The following GALNT1 variants were observed in gnomAD, a reference collection of about 807,000 sequenced individuals.
GALNT1 encodes polypeptide N-acetylgalactosaminyltransferase 1, also known as GalNAc transferase 1.
A neutral mutation model predicts 65.7 loss-of-function variants in GALNT1; 17 were observed. The observed-to-expected ratio is 0.26, with a 90% CI of 0.18 to 0.39. The LOEUF is 0.39. Ranked by LOEUF, GALNT1 falls within the 10% of genes least tolerant of loss-of-function variation. GALNT1 has a pLI of 1.00. For synonymous variants in GALNT1, 210 were observed against 219.7 expected (o/e 0.96, Z 0.39); for missense variants, 460 against 672.8 (o/e 0.68, Z 3.50).
intron 9 of GALNT1, 198 bp from the exon 10 acceptor site, chr18:35,702,697 AAC>A (rs369400026): frequency 5.0e-4 from 188 of 373,734 alleles, no homozygotes; most frequent in East Asian, 4.7e-3. Context: ...TTCCCCCATA[AAC>A]ACAGAAAATT....
At chr18:35,629,586 G>T (rs1021789544) in intron 1 of GALNT1, among the ~76,000 whole-genome samples, 1 of 151,978 alleles carries the variant, frequency 6.6e-6, no homozygotes, top group Non-Finnish European at 1.5e-5. Flanking sequence ...TGGAAAGGAA[G>T]AACCGGTACC....
intron 1 of GALNT1, among the ~76,000 whole-genome samples, chr18:35,625,561 A>G (rs555167596): frequency 1.3e-5 from 2 of 152,334 alleles, no homozygotes; most frequent in Admixed American, 6.5e-5. Context: ...AGGGATAGAG[A>G]AAAAGACTTC....
chr18:35,641,437 C>T (rs1293726624), intron 1 of GALNT1, among the ~76,000 whole-genome samples: 1 of 152,146 alleles, frequency 6.6e-6, no homozygotes, highest in Non-Finnish European at 1.5e-5. Flanking sequence ...GAGGGAGACC[C>T]TGTCTCCAAA....
intron 11 of GALNT1, among the ~76,000 whole-genome samples, chr18:35,707,757 A>G (rs1336661628): frequency 6.6e-6 from 1 of 152,174 alleles, no homozygotes; most frequent in Non-Finnish European, 1.5e-5. Context: ...AATAGTGACC[A>G]TGGGCCTGAT....
intron 3 of GALNT1, among the ~76,000 whole-genome samples, chr18:35,674,831 A>G (rs1254986718): frequency 6.6e-6 from 1 of 151,854 alleles, no homozygotes; most frequent in African/African-American, 2.4e-5. Flanking sequence ...AAAATACAAA[A>G]AATTAGTCGG....
chr18:35,669,574 A>G (rs1377554020), intron 3 of GALNT1, among the ~76,000 whole-genome samples: 1 of 152,256 alleles, frequency 6.6e-6, no homozygotes, highest in African/African-American at 2.4e-5. Context: ...AAAACAGGCG[A>G]TAAGTTATGT....
At position 35,639,563 on chromosome 18, in the gene GALNT1, A is replaced by T. The variant is rs142982342; in HGVS notation, c.-103-14997A>T. Among the ~76,000 whole-genome samples the T allele has an allele frequency of 3.9e-3, 595 of 152,322 alleles. 9 individuals are homozygous for T. The highest frequency in any genetic ancestry group is 0.014 in the African/African-American group (570 of 41,570). On this transcript the variant is annotated intron_variant, in intron 1 of 11. Coordinates refer to ENST00000269195, the MANE Select transcript of GALNT1 (RefSeq NM_020474.4). The stretch of plus-strand genomic sequence containing the variant: ...TGCAGTATCTCTGAGGTATGCCTGT[A>T]GCGAAACTTCATTTTTTTAAAGAAC...
chr18:35,592,159 A>G (rs941756953), intron 1 of GALNT1, among the ~76,000 whole-genome samples: 12 of 152,198 alleles, frequency 7.9e-5, no homozygotes, highest in Non-Finnish European at 7.3e-5. Context: ...GGATACTTAC[A>G]GTTACGGGCC....
intron 9 of GALNT1, among the ~76,000 whole-genome samples, chr18:35,697,009 AATGGGTGCATTCACAATT>A (rs1419909180): frequency 1.3e-5 from 2 of 152,244 alleles, no homozygotes; most frequent in African/African-American, 4.8e-5. Flanking sequence ...GTTTTCCAAG[AATGGGTGCATTCACAATT>A]ATTTTCAATT....
intron 4 of GALNT1, among the ~76,000 whole-genome samples, chr18:35,680,538 G>C (rs879335129): frequency 1.3e-5 from 2 of 152,176 alleles, no homozygotes; most frequent in Non-Finnish European, 1.5e-5. Flanking sequence ...TAATGAATGG[G>C]TGAAAGAATA....
intron 1 of GALNT1, among the ~76,000 whole-genome samples, chr18:35,642,338 CAG>C (rs1281588032): frequency 6.6e-6 from 1 of 152,158 alleles, no homozygotes; most frequent in Non-Finnish European, 1.5e-5. Flanking sequence ...ATCTCAGAAA[CAG>C]TGTTAGAAAA....
chr18:35,592,664 G>A (rs998228848), intron 1 of GALNT1, among the ~76,000 whole-genome samples: 1 of 152,138 alleles, frequency 6.6e-6, no homozygotes, highest in African/African-American at 2.4e-5. Context: ...GTGGAGAATG[G>A]ATTTGGGTGA....
At chr18:35,587,706 A>G (rs1358365972) in intron 1 of GALNT1, among the ~76,000 whole-genome samples, 2 of 152,240 alleles carry the variant, frequency 1.3e-5, no homozygotes, top group African/African-American at 2.4e-5. Flanking sequence ...TGGTCACAGT[A>G]TAACACTTTT....
chr18:35,683,297 G>C (rs190969288), intron 4 of GALNT1, 94 bp from the exon 5 acceptor site: 2 of 918,762 alleles, frequency 2.2e-6, no homozygotes, highest in Admixed American at 4.5e-5. Context: ...GTTCAGTAAG[G>C]GTATGTTGAA....
chr18:35,605,950 G>A (rs927961070), intron 1 of GALNT1, among the ~76,000 whole-genome samples: 1 of 152,118 alleles, frequency 6.6e-6, no homozygotes, highest in African/African-American at 2.4e-5. Context: ...CAGTTCTGGC[G>A]AAACAATTAT....
chr18:35,616,487 T>C (rs2046785049), intron 1 of GALNT1, among the ~76,000 whole-genome samples: 1 of 152,208 alleles, frequency 6.6e-6, no homozygotes, highest in Non-Finnish European at 1.5e-5. Context: ...TTAAAAGAAA[T>C]ATAGCTGTTA....
chr18:35,687,855 A>G (rs565670546), intron 6 of GALNT1, among the ~76,000 whole-genome samples: 3 of 152,182 alleles, frequency 2.0e-5, no homozygotes, highest in South Asian at 4.1e-4. Context: ...CTACTTCTGT[A>G]TTAAGAGTTC....
intron 1 of GALNT1, among the ~76,000 whole-genome samples, chr18:35,636,125 C>T (rs765353479): frequency 6.8e-4 from 103 of 152,118 alleles, no homozygotes; most frequent in Non-Finnish European, 9.7e-4. Context: ...TGGTGACAGT[C>T]CCCTGCTTAA....
chr18:35,694,079 A>G (rs1252308224), intron 9 of GALNT1, among the ~76,000 whole-genome samples: 1 of 152,172 alleles, frequency 6.6e-6, no homozygotes, highest in Non-Finnish European at 1.5e-5. Flanking sequence ...GAAGATGAGT[A>G]CTTAGAATTG....
Sources: gnomAD v4.1 joint callset for allele counts (sites outside exome capture counted in the v4.1 genomes callset) on GRCh38, gnomAD v4.1.1 for gene constraint, MANE v1.5 for transcripts, NCBI Gene and HGNC (gene_info 2026-07-23, HGNC 2026-07-21) for gene names.